The following HIKESHI variants were observed in gnomAD, a reference collection of about 807,000 sequenced individuals.
HIKESHI encodes protein Hikeshi.
HIKESHI carries 13 observed loss-of-function variants against 25.7 expected under a neutral mutation model. That is an observed-to-expected ratio of 0.51 (90% CI 0.33 to 0.80). HIKESHI has a LOEUF of 0.80. Ranked by LOEUF, HIKESHI falls within the 30% of genes least tolerant of loss-of-function variation. The pLI is 0.02. For missense variants in HIKESHI, 174 were observed against 229.5 expected, an observed-to-expected ratio of 0.76 and a Z score of 1.56; for synonymous variants, 76 against 78.7, an observed-to-expected ratio of 0.97 and a Z score of 0.18.
rs1565720445 is a variant in HIKESHI, at chr11:86,308,257, CATATAAAATGTGTATTAT to C, written c.268+1785_268+1802del. Among the ~76,000 whole-genome samples the C allele has an allele frequency of 5.9e-3, 567 of 96,446 alleles. 23 individuals carry two copies. Among genetic ancestry groups the C allele is most frequent in the African/African-American group, 0.013 (255 of 19,604 alleles). The allele number at this position is 96,446 out of a possible 152,430, so 63.3% of individuals were successfully genotyped here. A position where few individuals can be genotyped will look rare whatever the true frequency, so the allele number is the denominator to read the frequency against. Reference sequence around the variant, plus strand: ...TATATTATATATAAAATATATATTACATATAAAATGTGTATTATATATAAAATATATATTACATATAAT... The same window carrying C: ...TATATTATATATAAAATATATATTACATATAAAATATATATTACATATAAT... On this transcript the variant is annotated intron_variant, in intron 2 of 4. Transcript: ENST00000278483.
rs1197125983 is a variant in HIKESHI at position 86,307,012 on chromosome 11, A to AAT, written c.268+546_268+547dup. On this transcript the variant is annotated intron_variant, in intron 2 of 4. Transcript: ENST00000278483. Reference sequence around the variant, plus strand: ...GAGACTCTGTCTCAAAGAAAAAAAAAATATATATATATATATAAATATATA... The same window carrying AAT: ...GAGACTCTGTCTCAAAGAAAAAAAAAATATATATATATATATATAAATATATA... 2.2e-3 allele frequency among the ~76,000 whole-genome samples: 290 copies of AAT among 129,464 alleles called. 15 individuals carry two copies. In the East Asian group the frequency reaches 0.041, roughly 19 times the overall value. 84.9% of individuals were successfully genotyped at this position (129,464 alleles called of 152,430 possible).
chr11:86,308,345 TATAAA>T (rs1161041894), intron 2 of HIKESHI, among the ~76,000 whole-genome samples: 1 of 128,680 alleles, frequency 7.8e-6, no homozygotes, highest in Non-Finnish European at 1.6e-5. Context: ...ATATATATTA[TATAAA>T]ATATATATTA....
At chr11:86,326,049 G>A (rs961906221) in intron 2 of HIKESHI, among the ~76,000 whole-genome samples, 1 of 152,144 alleles carries the variant, frequency 6.6e-6, no homozygotes, top group Non-Finnish European at 1.5e-5. Flanking sequence ...TGTAATCCCA[G>A]CACTTTGGGA....
chr11:86,308,017 TAC>T (rs1273827227), intron 2 of HIKESHI, among the ~76,000 whole-genome samples: 3 of 115,970 alleles, frequency 2.6e-5, no homozygotes, highest in African/African-American at 1.0e-4. Flanking sequence ...ATGTGTAATA[TAC>T]ATATTATAAA....
At chr11:86,345,146 T>A in intron 4 of HIKESHI, 1 of 1,040,998 alleles carries the variant, frequency 9.6e-7, no homozygotes. Flanking sequence ...CTAGGAAGAG[T>A]TTGTTGAGAA....
At chr11:86,332,670 A>G (rs1947454826) in intron 2 of HIKESHI, among the ~76,000 whole-genome samples, 2 of 152,370 alleles carry the variant, frequency 1.3e-5, no homozygotes, top group Non-Finnish European at 2.9e-5. Context: ...AAAAAGAAAA[A>G]TGTTGGAATT....
chr11:86,345,446 T>C lies in HIKESHI; in HGVS notation c.540-138T>C, dbSNP rs1947847291. 1.2e-5 allele frequency: 7 copies of C among 582,672 alleles called. No homozygotes were observed. The East Asian group carries it at 2.3e-4, about 19-fold the overall frequency. 36.1% of individuals were successfully genotyped at this position (582,672 alleles called of 1,614,324 possible). On this transcript the variant is annotated intron_variant, in intron 4 of 4. Transcript: ENST00000278483. ...GTCTTTTTATAAGAATAATTACATTTCCAGATTATCTTTTTAGATTTTTTA... is the reference window on the plus strand; with the variant it reads ...GTCTTTTTATAAGAATAATTACATTCCCAGATTATCTTTTTAGATTTTTTA...
At chr11:86,319,729 G>A (rs1947102046) in intron 2 of HIKESHI, among the ~76,000 whole-genome samples, 2 of 152,082 alleles carry the variant, frequency 1.3e-5, no homozygotes, top group African/African-American at 2.4e-5. Context: ...CAAAGATAAT[G>A]TATTCTCTCT....
intron 2 of HIKESHI, among the ~76,000 whole-genome samples, chr11:86,329,627 C>A (rs1374638817): frequency 6.6e-6 from 1 of 150,544 alleles, no homozygotes; most frequent in Non-Finnish European, 1.5e-5. Flanking sequence ...CTTCAAACAC[C>A]ATTTTGAATA....
At chr11:86,344,547 T>G in intron 3 of HIKESHI, 56 bp from the exon 4 acceptor site, 1 of 996,976 alleles carries the variant, frequency 1.0e-6, no homozygotes, top group Non-Finnish European at 1.5e-6. Context: ...TTTAAAAATA[T>G]TGAGTTCTAA....
At chr11:86,305,844 G>A (rs1393448594) in intron 1 of HIKESHI, among the ~76,000 whole-genome samples, 2 of 152,136 alleles carry the variant, frequency 1.3e-5, no homozygotes, top group African/African-American at 2.4e-5. Flanking sequence ...GGGTTCAAGC[G>A]ATTCTCCTGC....
At chr11:86,316,763 G>T (rs12800128) in intron 2 of HIKESHI, among the ~76,000 whole-genome samples, 1 of 120,734 alleles carries the variant, frequency 8.3e-6, no homozygotes, top group Non-Finnish European at 1.8e-5. Flanking sequence ...TAATGAATCT[G>T]AAACATTCTT....
chr11:86,318,448 A>G (rs957282956), intron 2 of HIKESHI, among the ~76,000 whole-genome samples: 1 of 151,968 alleles, frequency 6.6e-6, no homozygotes, highest in Non-Finnish European at 1.5e-5. Context: ...TTAAGAAACA[A>G]ATTGTTCATA....
intron 2 of HIKESHI, among the ~76,000 whole-genome samples, chr11:86,306,780 C>T (rs546133105): frequency 5.3e-5 from 8 of 151,400 alleles, no homozygotes; most frequent in Middle Eastern, 3.4e-3. Context: ...GGGCGGATCA[C>T]GAGGTCAGGA....
chr11:86,324,899 C>T (rs1406422847), intron 2 of HIKESHI, among the ~76,000 whole-genome samples: 1 of 152,022 alleles, frequency 6.6e-6, no homozygotes, highest in Non-Finnish European at 1.5e-5. Flanking sequence ...AAATTTGGGG[C>T]CAGGTATGGT....
chr11:86,303,519 T>C (rs1946548170), intron 1 of HIKESHI: 1 of 362,084 alleles, frequency 2.8e-6, no homozygotes, highest in African/African-American at 2.2e-5. Flanking sequence ...AATGATTGTG[T>C]GACTCAGACG....
intron 2 of HIKESHI, 123 bp from the exon 3 acceptor site, chr11:86,337,256 G>A (rs907204920): frequency 2.3e-6 from 2 of 852,644 alleles, no homozygotes; most frequent in Non-Finnish European, 3.6e-6. Context: ...CTGAAAAGAG[G>A]GACAAACTTG....
rs541376694 is a variant in HIKESHI at position 86,342,111 on chromosome 11, G to A, written c.421-2492G>A. 1.2e-4 allele frequency among the ~76,000 whole-genome samples: 19 copies of A among 152,060 alleles called. No homozygotes were observed. The South Asian group carries it at 3.9e-3, about 32-fold the overall frequency. The stretch of plus-strand genomic sequence containing the variant: ...ACTTAGTTTGTGTTTCTTGATTACT[G>A]GTGATATTGAGCATCTTTGCACACT... On this transcript the variant is annotated intron_variant, in intron 3 of 4. Coordinates refer to ENST00000278483, the MANE Select transcript of HIKESHI (RefSeq NM_016401.4).
Position 86,308,552 on chromosome 11 carries a change from T to C in HIKESHI, c.268+2070T>C, listed in dbSNP as rs868841797. On this transcript the variant is annotated intron_variant, in intron 2 of 4. Transcript: ENST00000278483. ...TGGTTCTGTTGACATTGCAGAGCCA[T>C]AATTCTTTTTATTTATTTATTTATT... Among the ~76,000 whole-genome samples the C allele has an allele frequency of 5.5e-4, 80 of 145,416 alleles. 1 individual carries two copies. The highest frequency in any genetic ancestry group is 2.0e-3 in the African/African-American group (77 of 38,758).
Sources: gnomAD v4.1 joint callset for allele counts (sites outside exome capture counted in the v4.1 genomes callset) on GRCh38, gnomAD v4.1.1 for gene constraint, MANE v1.5 for transcripts, NCBI Gene and HGNC (gene_info 2026-07-23, HGNC 2026-07-21) for gene names.